SBK1: variants seen among roughly 807,000 people sequenced by gnomAD.
SBK1 encodes the protein serine/threonine-protein kinase SBK1.
Under a neutral mutation model 24.4 loss-of-function variants are expected in SBK1, and 11 were observed. That is an observed-to-expected ratio of 0.45 (90% CI 0.28 to 0.75). SBK1 has a LOEUF of 0.75. SBK1 is among the 30% of genes least tolerant of loss of function. The pLI is 0.12. For synonymous variants in SBK1, 308 were observed against 284.4 expected (o/e 1.08, Z -0.83); for missense variants, 467 against 620.5 (o/e 0.75, Z 2.63).
At chr16:28,308,378 T>C (rs1188665178) in intron 1 of SBK1, among the ~76,000 whole-genome samples, 1 of 147,876 alleles carries the variant, frequency 6.8e-6, no homozygotes, top group East Asian at 2.1e-4. Context: ...CTCAAACTCC[T>C]GATCTCAAGT....
chr16:28,279,872 G>T (rs1038755814), intron 1 of SBK1, among the ~76,000 whole-genome samples: 7 of 151,912 alleles, frequency 4.6e-5, no homozygotes, highest in Non-Finnish European at 7.4e-5. Context: ...GGACGTCTTT[G>T]TAAACTGAAG....
In SBK1 at chr16:28,299,022, T is replaced by C. The variant is rs535299219; in HGVS notation, c.-8+5722T>C. Among the ~76,000 whole-genome samples the C allele has an allele frequency of 3.5e-4, 53 of 152,348 alleles. 1 individual carries two copies. The highest frequency in any genetic ancestry group is 1.2e-3 in the African/African-American group (50 of 41,576). On this transcript the variant is annotated intron_variant, in intron 1 of 3. Coordinates refer to ENST00000341901, the MANE Select transcript of SBK1 (RefSeq NM_001024401.3). ...GCTCAAGGCCTTGCAGAGAGGAGACTTTTCCACCTTGGGAGCTCAGGTGCC... is the reference window on the plus strand; with the variant it reads ...GCTCAAGGCCTTGCAGAGAGGAGACCTTTCCACCTTGGGAGCTCAGGTGCC...
At chr16:28,279,938 G>C (rs1252677034) in intron 1 of SBK1, among the ~76,000 whole-genome samples, 2 of 151,342 alleles carry the variant, frequency 1.3e-5, no homozygotes, top group Non-Finnish European at 2.9e-5. Flanking sequence ...AGATTGCCAT[G>C]GTTGCTCTGA....
intron 1 of SBK1, among the ~76,000 whole-genome samples, chr16:28,279,691 G>A (rs955655678): frequency 1.3e-5 from 2 of 152,044 alleles, no homozygotes; most frequent in Non-Finnish European, 2.9e-5. Flanking sequence ...GGTGGCCTTC[G>A]AGGTGACTGG....
chr16:28,279,070 G>A (rs1388253873), intron 1 of SBK1, among the ~76,000 whole-genome samples: 1 of 152,054 alleles, frequency 6.6e-6, no homozygotes, highest in Admixed American at 6.6e-5. Flanking sequence ...TACCAGATGT[G>A]GTGGTGTGCA....
chr16:28,309,659 G>T (rs2044740617), intron 1 of SBK1, among the ~76,000 whole-genome samples: 2 of 152,182 alleles, frequency 1.3e-5, no homozygotes, highest in Non-Finnish European at 2.9e-5. Flanking sequence ...CTACTCGGGA[G>T]GCTGAGGCAA....
At chr16:28,305,758 C>T (rs1161517098) in intron 1 of SBK1, among the ~76,000 whole-genome samples, 1 of 151,872 alleles carries the variant, frequency 6.6e-6, no homozygotes, top group East Asian at 1.9e-4. Flanking sequence ...CCAGGCTGGC[C>T]TTGAATTCCT....
intron 1 of SBK1, among the ~76,000 whole-genome samples, chr16:28,279,196 C>G (rs185849676): frequency 7.1e-6 from 1 of 140,084 alleles, no homozygotes. Flanking sequence ...GGTGACACAG[C>G]GAGACTCTGT....
intron 1 of SBK1, among the ~76,000 whole-genome samples, chr16:28,303,507 C>CTTTTTTTTTTTTTTTTTTTTTTT (rs143613970): frequency 3.4e-5 from 2 of 58,078 alleles, no homozygotes; most frequent in African/African-American, 7.2e-5. Flanking sequence ...CTTTTCTTTT[C>CTTTTTTTTTTTTTTTTTTTTTTT]TTTTTTTTTT....
intron 1 of SBK1, among the ~76,000 whole-genome samples, chr16:28,314,613 G>A (rs139693249): frequency 9.8e-5 from 15 of 152,318 alleles, no homozygotes; most frequent in South Asian, 4.1e-4. Context: ...AGAGGGAGCT[G>A]TGGTCATTGT....
At chr16:28,299,379 A>G (rs1471365644) in intron 1 of SBK1, among the ~76,000 whole-genome samples, 2 of 152,192 alleles carry the variant, frequency 1.3e-5, no homozygotes, top group Non-Finnish European at 2.9e-5. Flanking sequence ...CTGGAGGTGT[A>G]TGGGTGAAGC....
intron 1 of SBK1, among the ~76,000 whole-genome samples, chr16:28,302,206 A>G (rs573779222): frequency 6.6e-6 from 1 of 152,328 alleles, no homozygotes; most frequent in Admixed American, 6.5e-5. Flanking sequence ...GGAGAGAAGG[A>G]GGGGCTGGCC....
intron 1 of SBK1, among the ~76,000 whole-genome samples, chr16:28,277,385 G>A (rs2044500585): frequency 6.6e-6 from 1 of 152,044 alleles, no homozygotes; most frequent in South Asian, 2.1e-4. Flanking sequence ...GTAACAAGAA[G>A]GCACTCTAAG....
At chr16:28,274,350 T>G (rs1325288229) in intron 1 of SBK1, among the ~76,000 whole-genome samples, 1 of 152,010 alleles carries the variant, frequency 6.6e-6, no homozygotes, top group Non-Finnish European at 1.5e-5. Flanking sequence ...CTTGGTCAAT[T>G]CAAACGCGTT....
chr16:28,261,073 GC>G (rs1567667842), intron 1 of SBK1, among the ~76,000 whole-genome samples: 2 of 152,118 alleles, frequency 1.3e-5, no homozygotes, highest in African/African-American at 4.8e-5. Flanking sequence ...TGGACGCTGA[GC>G]CGGGGACCTG....
intron 1 of SBK1, among the ~76,000 whole-genome samples, chr16:28,298,734 C>T (rs906781013): frequency 2.0e-5 from 3 of 152,242 alleles, no homozygotes; most frequent in Non-Finnish European, 2.9e-5. Flanking sequence ...ACTCCTTCCT[C>T]ATGGCTTTAG....
chr16:28,262,168 G>A (rs1408771634), intron 1 of SBK1, among the ~76,000 whole-genome samples: 1 of 152,210 alleles, frequency 6.6e-6, no homozygotes, highest in Non-Finnish European at 1.5e-5. Flanking sequence ...AGGAGGGGCA[G>A]TGGGGCAATG....
rs372393285 is a variant in SBK1, at chr16:28,259,341, C to T, written c.96C>T (p.Gly32=). The T allele has an allele frequency of 3.1e-4, 148 of 478,052 alleles. No homozygotes were observed. Among genetic ancestry groups the T allele is most frequent in the African/African-American group, 2.5e-3 (121 of 47,518 alleles). 29.6% of individuals were successfully genotyped at this position (478,052 alleles called of 1,614,324 possible). Residue 32 remains glycine, a synonymous_variant, in exon 1 of 4, where the codon GGC becomes GGT. Transcript: ENST00000671413. The surrounding 1 kb of genome is among the most constrained non-coding windows in gnomAD (Gnocchi z 6.0). ...GCTCGGGGACTCCTGCCCAGGCTGG[C>T]GATGATGCTGCGGAGGCCACCCCTG... is the stretch of plus-strand genomic sequence containing the variant.
intron 1 of SBK1, among the ~76,000 whole-genome samples, chr16:28,276,100 G>A (rs970026344): frequency 4.6e-5 from 7 of 152,122 alleles, no homozygotes; most frequent in African/African-American, 1.2e-4. Flanking sequence ...GTTTGATGGC[G>A]GAGGCAGTGG....
Sources: allele counts gnomAD v4.1 joint callset (sites outside exome capture counted in the v4.1 genomes callset), GRCh38; gene constraint gnomAD v4.1.1; non-coding constraint Gnocchi (gnomAD v3.1); transcripts MANE v1.5; gene names NCBI Gene and HGNC (gene_info 2026-07-23, HGNC 2026-07-21).